Variants in LIN7A observed in about 807,000 individuals in gnomAD.
LIN7A encodes protein lin-7 homolog A.
A neutral mutation model predicts 29.8 loss-of-function variants in LIN7A; 25 were observed. That is an observed-to-expected ratio of 0.84 (90% CI 0.61 to 1.17). The LOEUF (loss-of-function observed/expected upper bound fraction) is 1.17. Ranked by LOEUF, LIN7A falls within the 50% of genes most tolerant of loss-of-function variation. LIN7A has a pLI of 0.00. For missense variants in LIN7A, 239 were observed against 287.0 expected, an observed-to-expected ratio of 0.83 and a Z score of 1.21; for synonymous variants, 118 against 107.5, an observed-to-expected ratio of 1.10 and a Z score of -0.60.
chr12:80,866,638 T>C (rs1874148851), intron 2 of LIN7A, among the ~76,000 whole-genome samples: 1 of 152,202 alleles, frequency 6.6e-6, no homozygotes, highest in Non-Finnish European at 1.5e-5. Context: ...TGCAATGGGC[T>C]GAGAGCTGGG....
chr12:80,812,124 T>C (rs1871320509), intron 4 of LIN7A, among the ~76,000 whole-genome samples: 1 of 152,048 alleles, frequency 6.6e-6, no homozygotes, highest in South Asian at 2.1e-4. Flanking sequence ...AAAGAGATAG[T>C]AGAACATAGC....
At chr12:80,844,496 T>C (rs2121548786) in intron 4 of LIN7A, among the ~76,000 whole-genome samples, 1 of 152,334 alleles carries the variant, frequency 6.6e-6, no homozygotes, top group African/African-American at 2.4e-5. Context: ...TCCAATTACA[T>C]TTGATTTTGG....
At chr12:80,912,099 T>C (rs917157204) in intron 1 of LIN7A, among the ~76,000 whole-genome samples, 4 of 152,330 alleles carry the variant, frequency 2.6e-5, no homozygotes, top group South Asian at 2.1e-4. Context: ...CTAATGCATA[T>C]ACACAATGCA....
At chr12:80,859,849 A>G (rs1395588766) in intron 2 of LIN7A, among the ~76,000 whole-genome samples, 2 of 152,152 alleles carry the variant, frequency 1.3e-5, no homozygotes, top group Admixed American at 6.5e-5. Context: ...AATCTATCAT[A>G]CTTACTTTTA....
chr12:80,885,670 G>A lies in LIN7A; in HGVS notation c.201+3581C>T, dbSNP rs117453547. ...GCCTTTCTTAGTTGTGTATGTAGAT[G>A]GTCTTCATTCAGTACTGATCTCAGC... On this transcript the variant is annotated intron_variant, in intron 2 of 5. Coordinates refer to ENST00000552864, the MANE Select transcript of LIN7A (RefSeq NM_004664.4). 5.1e-3 allele frequency among the ~76,000 whole-genome samples: 769 copies of A among 152,012 alleles called. 2 individuals are homozygous for A. Among genetic ancestry groups the A allele is most frequent in the Non-Finnish European group, 8.5e-3 (575 of 67,904 alleles).
chr12:80,867,710 A>C (rs187622642), intron 2 of LIN7A, among the ~76,000 whole-genome samples: 2 of 152,332 alleles, frequency 1.3e-5, no homozygotes, highest in Non-Finnish European at 2.9e-5. Flanking sequence ...ATCAACCATA[A>C]ATAACCCCAT....
intron 5 of LIN7A, among the ~76,000 whole-genome samples, chr12:80,808,700 T>A (rs1871155495): frequency 6.6e-6 from 1 of 151,632 alleles, no homozygotes; most frequent in Non-Finnish European, 1.5e-5. Flanking sequence ...AGAGACGAGG[T>A]TTCACCATGT....
intron 4 of LIN7A, among the ~76,000 whole-genome samples, chr12:80,830,724 C>T (rs1196193604): frequency 1.3e-5 from 2 of 152,214 alleles, no homozygotes; most frequent in Admixed American, 6.5e-5. Context: ...CTCCAATCCA[C>T]TCCAGTTTCA....
intron 1 of LIN7A, among the ~76,000 whole-genome samples, chr12:80,901,207 TG>T (rs1876196210): frequency 6.6e-6 from 1 of 152,166 alleles, no homozygotes; most frequent in Admixed American, 6.5e-5. Flanking sequence ...AACAGTGCAC[TG>T]CTGGCTTCCC....
At chr12:80,925,249 G>A (rs1565931534) in intron 1 of LIN7A, among the ~76,000 whole-genome samples, 1 of 152,188 alleles carries the variant, frequency 6.6e-6, no homozygotes, top group East Asian at 1.9e-4. Flanking sequence ...TATTTAAAAT[G>A]TGTTAATTGA....
At chr12:80,830,449 C>T (rs988288220) in intron 4 of LIN7A, among the ~76,000 whole-genome samples, 5 of 152,224 alleles carry the variant, frequency 3.3e-5, no homozygotes, top group Admixed American at 2.6e-4. Context: ...ATTTAGAGTG[C>T]TCTGCAGACG....
Position 80,865,031 on chromosome 12 carries a change from T to C in LIN7A, c.202-16709A>G, listed in dbSNP as rs147128226. 5.2e-3 allele frequency among the ~76,000 whole-genome samples: 788 copies of C among 152,328 alleles called. 1 individual carries two copies. The highest frequency in any genetic ancestry group is 0.018 in the African/African-American group (760 of 41,572). On this transcript the variant is annotated intron_variant, in intron 2 of 5. Transcript: ENST00000552864. ...AAAGAATCTCTCAGACACTGATTAT[T>C]CCTCTCACATTGCTCATTCATTTTT...
intron 5 of LIN7A, 69 bp downstream of exon 5, chr12:80,811,396 C>A: frequency 2.0e-6 from 1 of 501,924 alleles, no homozygotes; most frequent in Non-Finnish European, 3.6e-6. Context: ...TAAGTATATT[C>A]ATATATACAT....
At chr12:80,811,734 C>T (rs1196096374) in intron 4 of LIN7A, 51 bp from the exon 5 acceptor site, 2 of 1,554,836 alleles carry the variant, frequency 1.3e-6, no homozygotes, top group South Asian at 1.2e-5. Context: ...TGTTCTTTTC[C>T]CTGGAGACAA....
At chr12:80,818,458 A>C (rs1168691125) in intron 4 of LIN7A, among the ~76,000 whole-genome samples, 2 of 152,234 alleles carry the variant, frequency 1.3e-5, no homozygotes, top group Non-Finnish European at 2.9e-5. Context: ...GTCCTAGGTC[A>C]CCAGCTAGTA....
At chr12:80,927,816 G>T (rs1877685796) in intron 1 of LIN7A, among the ~76,000 whole-genome samples, 1 of 152,064 alleles carries the variant, frequency 6.6e-6, no homozygotes, top group African/African-American at 2.4e-5. Context: ...CCGTCAACTC[G>T]TCATTTACAT....
Position 80,801,303 on chromosome 12 carries a change from G to C in LIN7A, c.*1-3577C>G, listed in dbSNP as rs145574536. ...CAAGCACCAAGACAACAACAAAAGTGAAAGAGGGGGACAGAAAACAGCGTT... is the reference window on the plus strand; with the variant it reads ...CAAGCACCAAGACAACAACAAAAGTCAAAGAGGGGGACAGAAAACAGCGTT... On this transcript the variant is annotated intron_variant, in intron 5 of 5. Transcript: ENST00000552864. 1.9e-3 allele frequency among the ~76,000 whole-genome samples: 285 copies of C among 152,186 alleles called. 3 individuals carry two copies. Among genetic ancestry groups the C allele is most frequent in the African/African-American group, 6.4e-3 (266 of 41,538 alleles).
At chr12:80,858,481 G>T (rs957861880) in intron 2 of LIN7A, among the ~76,000 whole-genome samples, 4 of 151,308 alleles carry the variant, frequency 2.6e-5, no homozygotes, top group African/African-American at 7.3e-5. Flanking sequence ...TACATGGCAG[G>T]TGGCCAAGCC....
chr12:80,919,851 T>G (rs1013550480), intron 1 of LIN7A, among the ~76,000 whole-genome samples: 9 of 152,068 alleles, frequency 5.9e-5, no homozygotes, highest in Admixed American at 4.6e-4. Flanking sequence ...TTCCTAAGAC[T>G]GAGGCTGGAC....
Sources: allele counts gnomAD v4.1 joint callset (sites outside exome capture counted in the v4.1 genomes callset), GRCh38; gene constraint gnomAD v4.1.1; transcripts MANE v1.5; gene names NCBI Gene and HGNC (gene_info 2026-07-23, HGNC 2026-07-21).